POPDC1: variants seen among roughly 807,000 people sequenced by gnomAD.
The protein encoded by POPDC1 is popeye domain cAMP effector 1.
the POPDC1 span, among the ~76,000 whole-genome samples, chr6:105,135,026 T>C: frequency 1.3e-5 from 2 of 152,192 alleles, no homozygotes; most frequent in Non-Finnish European, 2.9e-5. Flanking sequence ...GAGAATGATA[T>C]GAGGTATCCT....
the POPDC1 span, among the ~76,000 whole-genome samples, chr6:105,128,902 GA>G: frequency 6.6e-6 from 1 of 152,096 alleles, no homozygotes; most frequent in Admixed American, 6.5e-5. Flanking sequence ...AAAAGTTAAA[GA>G]CTGGTGTTTT....
At chr6:105,135,258 T>TA in the POPDC1 span, among the ~76,000 whole-genome samples, 4 of 152,084 alleles carry the variant, frequency 2.6e-5, no homozygotes, top group Non-Finnish European at 5.9e-5. Flanking sequence ...GTCAACCTGA[T>TA]AAACACTTTC....
At chr6:105,102,449 C>T in the POPDC1 span, among the ~76,000 whole-genome samples, 5 of 152,142 alleles carry the variant, frequency 3.3e-5, no homozygotes, top group Admixed American at 6.5e-5. Context: ...GCTGAGACAG[C>T]GGCAAAGGCT....
the POPDC1 span, among the ~76,000 whole-genome samples, chr6:105,103,158 T>C: frequency 6.6e-6 from 1 of 152,228 alleles, no homozygotes; most frequent in Admixed American, 6.5e-5. Context: ...TGTGCCTTAA[T>C]TTCCTTACCT....
chr6:105,106,561 T>A, the POPDC1 span, among the ~76,000 whole-genome samples: 1 of 152,232 alleles, frequency 6.6e-6, no homozygotes, highest in Non-Finnish European at 1.5e-5. Context: ...ACAAGGGGAT[T>A]CAGATACGGC....
the POPDC1 span, among the ~76,000 whole-genome samples, chr6:105,118,715 TTGTATA>T: frequency 6.6e-6 from 1 of 152,156 alleles, no homozygotes; most frequent in Non-Finnish European, 1.5e-5. Context: ...GCCACTCACT[TTGTATA>T]TGTACTTTTA....
At chr6:105,100,437 G>A in the POPDC1 span, 1 of 151,976 alleles carries the variant, frequency 6.6e-6, no homozygotes, top group Non-Finnish European at 1.5e-5. Flanking sequence ...GTGAATCCAG[G>A]AGGTGGAGTT....
chr6:105,114,012 G>A, the POPDC1 span, among the ~76,000 whole-genome samples: 1 of 151,932 alleles, frequency 6.6e-6, no homozygotes, highest in Non-Finnish European at 1.5e-5. Flanking sequence ...TTAAATTCTT[G>A]TATGAAAGGT....
chr6:105,100,695 T>C, the POPDC1 span: 3 of 152,780 alleles, frequency 2.0e-5, no homozygotes, highest in African/African-American at 4.8e-5. Flanking sequence ...GTTAAAATTA[T>C]CAAATGGACA....
chr6:105,107,195 T>C, the POPDC1 span, among the ~76,000 whole-genome samples: 1 of 152,112 alleles, frequency 6.6e-6, no homozygotes. Flanking sequence ...TCTACAAATA[T>C]GTGAGAACAT....
chr6:105,118,877 T>A, the POPDC1 span, among the ~76,000 whole-genome samples: 1 of 151,842 alleles, frequency 6.6e-6, no homozygotes, highest in Non-Finnish European at 1.5e-5. Context: ...AGTGGTAGAG[T>A]GGCTCTACAA....
the POPDC1 span, among the ~76,000 whole-genome samples, chr6:105,112,317 A>G: frequency 6.6e-6 from 1 of 152,194 alleles, no homozygotes; most frequent in Admixed American, 6.5e-5. Context: ...CGATGTGCAC[A>G]TGCTGTTCAG....
At chr6:105,111,853 A>G in the POPDC1 span, among the ~76,000 whole-genome samples, 13 of 152,306 alleles carry the variant, frequency 8.5e-5, no homozygotes, top group South Asian at 2.7e-3. Flanking sequence ...TTCACTGAAC[A>G]TTTGCTGTGT....
chr6:105,129,270 A>G, the POPDC1 span: 45 of 994,986 alleles, frequency 4.5e-5, no homozygotes, highest in Non-Finnish European at 6.2e-5. Flanking sequence ...CAGAGAAATT[A>G]TATTAAAGTG....
At chr6:105,108,572 G>A in the POPDC1 span, among the ~76,000 whole-genome samples, 5 of 152,190 alleles carry the variant, frequency 3.3e-5, no homozygotes, top group Non-Finnish European at 7.3e-5. Flanking sequence ...AATAAGATGT[G>A]TCCCACAACA....
At chr6:105,103,175 T>C in the POPDC1 span, among the ~76,000 whole-genome samples, 6 of 152,138 alleles carry the variant, frequency 3.9e-5, no homozygotes, top group Non-Finnish European at 8.8e-5. Context: ...ACCTGTAAAA[T>C]AGGAATAATA....
chr6:105,124,684 GC>G, the POPDC1 span: 1 of 1,437,300 alleles, frequency 7.0e-7, no homozygotes, highest in Admixed American at 1.7e-5. Flanking sequence ...GTTAATAAAA[GC>G]AATATTTCAC....
At chr6:105,133,652 A>C in the POPDC1 span, 2 of 1,159,888 alleles carry the variant, frequency 1.7e-6, no homozygotes, top group Non-Finnish European at 1.2e-6. Context: ...TTACCTTCAT[A>C]GGTATTATAC....
At chr6:105,123,601 C>T in the POPDC1 span, among the ~76,000 whole-genome samples, 1 of 152,096 alleles carries the variant, frequency 6.6e-6, no homozygotes, top group Admixed American at 6.6e-5. Flanking sequence ...GGGGTTTCAC[C>T]ATGTTAACCA....
Sources: allele counts gnomAD v4.1 joint callset (sites outside exome capture counted in the v4.1 genomes callset), GRCh38; gene constraint gnomAD v4.1.1; transcripts MANE v1.5; gene names NCBI Gene and HGNC (gene_info 2026-07-23, HGNC 2026-07-21).